LRP1B: variants seen among roughly 807,000 people sequenced by gnomAD.
LRP1B encodes low-density lipoprotein receptor-related protein 1B.
LRP1B carries 217 observed loss-of-function variants against 556.6 expected under a neutral mutation model. That is an observed-to-expected ratio of 0.39 (90% CI 0.35 to 0.44). The LOEUF is 0.44. LRP1B is among the 20% of genes least tolerant of loss of function. LRP1B has a pLI of 1.00. For missense variants in LRP1B, 5,053 were observed against 5,620.8 expected (o/e 0.90, Z 3.23); for synonymous variants, 2,047 against 1,865.8 (o/e 1.10, Z -2.50).
At chr2:141,974,611 C>A (rs188863902) in intron 1 of LRP1B, among the ~76,000 whole-genome samples, 1 of 151,850 alleles carries the variant, frequency 6.6e-6, no homozygotes, top group African/African-American at 2.4e-5. Context: ...TGTAAACACG[C>A]GTTATGTGGA....
At chr2:141,318,036 A>T (rs1418282461) in intron 3 of LRP1B, among the ~76,000 whole-genome samples, 1 of 152,108 alleles carries the variant, frequency 6.6e-6, no homozygotes, top group Non-Finnish European at 1.5e-5. Context: ...AAAACAAAAC[A>T]ACAAAAAAAC....
At chr2:142,026,835 G>T (rs1055120856) in intron 1 of LRP1B, among the ~76,000 whole-genome samples, 20 of 151,978 alleles carry the variant, frequency 1.3e-4, no homozygotes, top group Admixed American at 1.3e-3. Flanking sequence ...GTAACTTCCA[G>T]TGCTGTTGGG....
At chr2:140,718,906 C>A (rs1687302212) in intron 35 of LRP1B, among the ~76,000 whole-genome samples, 1 of 151,792 alleles carries the variant, frequency 6.6e-6, no homozygotes. Context: ...TCTCAGCTGT[C>A]TTAGCTCAAA....
chr2:141,012,541 C>A (rs868170415), intron 14 of LRP1B, among the ~76,000 whole-genome samples: 1 of 151,898 alleles, frequency 6.6e-6, no homozygotes, highest in Admixed American at 6.6e-5. Flanking sequence ...TGGCTTGTGC[C>A]ATCCAAATAA....
At chr2:140,974,238 T>C (rs1696521722) in intron 18 of LRP1B, among the ~76,000 whole-genome samples, 1 of 152,242 alleles carries the variant, frequency 6.6e-6, no homozygotes, top group South Asian at 2.1e-4. Flanking sequence ...AATTACCCTC[T>C]GAAATGTTGA....
intron 31 of LRP1B, among the ~76,000 whole-genome samples, chr2:140,838,149 A>C (rs1186588309): frequency 6.6e-6 from 1 of 152,186 alleles, no homozygotes; most frequent in African/African-American, 2.4e-5. Context: ...CATATAAATT[A>C]ACATTTTGGT....
At chr2:142,076,491 T>C (rs1191378367) in intron 1 of LRP1B, among the ~76,000 whole-genome samples, 2 of 152,130 alleles carry the variant, frequency 1.3e-5, no homozygotes, top group Non-Finnish European at 2.9e-5. Context: ...AAGTAGAATC[T>C]ACTTTTACAC....
chr2:141,026,637 TG>T (rs1294070071), intron 11 of LRP1B, among the ~76,000 whole-genome samples: 1 of 152,112 alleles, frequency 6.6e-6, no homozygotes, highest in African/African-American at 2.4e-5. Flanking sequence ...GACAAATGCC[TG>T]TGTGGACTCT....
At chr2:140,896,629 G>C (rs1037121416) in intron 23 of LRP1B, among the ~76,000 whole-genome samples, 1 of 152,088 alleles carries the variant, frequency 6.6e-6, no homozygotes, top group Admixed American at 6.6e-5. Flanking sequence ...CCACAGACAT[G>C]CACCACCATG....
intron 57 of LRP1B, among the ~76,000 whole-genome samples, chr2:140,490,801 T>C (rs1688665281): frequency 6.6e-6 from 1 of 152,114 alleles, no homozygotes; most frequent in Non-Finnish European, 1.5e-5. Flanking sequence ...CTCTATTTCC[T>C]TACTCAATGG....
intron 1 of LRP1B, among the ~76,000 whole-genome samples, chr2:141,845,257 A>G (rs1697607547): frequency 6.6e-6 from 1 of 151,898 alleles, no homozygotes; most frequent in South Asian, 2.1e-4. Context: ...CTCTGCAGTA[A>G]TTTTTAATAA....
In LRP1B at chr2:141,310,776, G is replaced by A. The variant is rs143442074; in HGVS notation, c.344-56135C>T. Among the ~76,000 whole-genome samples the A allele has an allele frequency of 4.7e-4, 71 of 152,228 alleles. 1 individual carries two copies. In the East Asian group the frequency reaches 7.5e-3, roughly 16 times the overall value. Reference sequence around the variant, plus strand: ...TTAGAAAGAGATATATCAAAGATTCGTGAAATACATTGATGCCCATGATTG... The same window carrying A: ...TTAGAAAGAGATATATCAAAGATTCATGAAATACATTGATGCCCATGATTG... On this transcript the variant is annotated intron_variant, in intron 3 of 90. Coordinates refer to ENST00000389484, the MANE Select transcript of LRP1B (RefSeq NM_018557.3).
At chr2:141,499,316 G>T (rs1683629096) in intron 2 of LRP1B, among the ~76,000 whole-genome samples, 1 of 151,894 alleles carries the variant, frequency 6.6e-6, no homozygotes. Flanking sequence ...TTATCTTCAG[G>T]GTCCACACAG....
chr2:140,890,165 C>T (rs1693756691), intron 23 of LRP1B, among the ~76,000 whole-genome samples: 1 of 109,086 alleles, frequency 9.2e-6, no homozygotes, highest in African/African-American at 2.7e-5. Flanking sequence ...TATATAAAAG[C>T]ACAGTGTTAA....
At chr2:140,536,175 T>C (rs1690957234) in intron 46 of LRP1B, among the ~76,000 whole-genome samples, 1 of 151,558 alleles carries the variant, frequency 6.6e-6, no homozygotes, top group Non-Finnish European at 1.5e-5. Context: ...CTGGGTGTGG[T>C]GCTCAGAATG....
chr2:140,583,175 T>C (rs1017710112), intron 43 of LRP1B, among the ~76,000 whole-genome samples: 11 of 137,502 alleles, frequency 8.0e-5, no homozygotes, highest in East Asian at 2.1e-4. Context: ...TTTTTTCTTT[T>C]TTTTTTTTTT....
chr2:140,676,581 T>A (rs578222509), intron 41 of LRP1B, among the ~76,000 whole-genome samples: 2 of 152,318 alleles, frequency 1.3e-5, no homozygotes, highest in South Asian at 4.1e-4. Context: ...CATTACAAGT[T>A]TGACTTTTTA....
chr2:140,266,737 T>C (rs938208138), intron 86 of LRP1B, among the ~76,000 whole-genome samples: 1 of 152,040 alleles, frequency 6.6e-6, no homozygotes, highest in Non-Finnish European at 1.5e-5. Context: ...ACTGTGAACA[T>C]GTCTCTTCAC....
intron 55 of LRP1B, among the ~76,000 whole-genome samples, chr2:140,500,829 C>T (rs1689154723): frequency 6.6e-6 from 1 of 151,870 alleles, no homozygotes; most frequent in Admixed American, 6.6e-5. Context: ...TACCCCCGGG[C>T]AGAACTCGGT....
Sources: allele counts gnomAD v4.1 joint callset (sites outside exome capture counted in the v4.1 genomes callset), GRCh38; gene constraint gnomAD v4.1.1; transcripts MANE v1.5; gene names NCBI Gene and HGNC (gene_info 2026-07-23, HGNC 2026-07-21).